Variants in TTC6 observed in about 807,000 individuals in gnomAD.
The protein encoded by TTC6 is tetratricopeptide repeat domain 6, also known as tetratricopeptide repeat protein 6.
In TTC6, 172 loss-of-function variants were observed where a neutral mutation model predicts 210.4. The ratio of observed to expected loss-of-function variants is 0.82; its 90% confidence interval spans 0.72 to 0.93. TTC6 has a LOEUF of 0.93. Ranked by LOEUF, TTC6 falls within the 40% of genes least tolerant of loss-of-function variation. The probability of loss-of-function intolerance (pLI) is 0.00; values close to 1 mark genes in which losing one functional copy is unlikely to be tolerated. For missense variants in TTC6, 2,414 were observed against 2,318.1 expected, an observed-to-expected ratio of 1.04 and a Z score of -0.85; for synonymous variants, 804 against 819.6, an observed-to-expected ratio of 0.98 and a Z score of 0.32.
intron 29 of TTC6, among the ~76,000 whole-genome samples, chr14:37,838,631 T>C (rs1416912497): frequency 2.0e-5 from 3 of 152,218 alleles, no homozygotes. Flanking sequence ...AGCTCTTACT[T>C]TGTTTTTGTA....
At chr14:37,807,177 TA>T in intron 22 of TTC6, 142 bp from the exon 25 acceptor site, 1 of 706,096 alleles carries the variant, frequency 1.4e-6, no homozygotes. Flanking sequence ...AATTTTTTTC[TA>T]ATAAAAGAAA....
In TTC6 at chr14:37,827,174, T is replaced by G. The variant is rs376867001; in HGVS notation, c.5128-22T>G. 7.4e-5 allele frequency: 117 copies of G among 1,582,538 alleles called. 1 individual carries two copies. The highest frequency in any genetic ancestry group is 2.6e-4 in the Admixed American group (15 of 57,084). On this transcript the variant is annotated intron_variant, in intron 28 of 30. Coordinates refer to ENST00000553443, the Ensembl canonical transcript of TTC6. ...GTAAATACTATTCCCCAATGTTAAA[T>G]AATCATAATATTATACTGCAGATCA...
intron 15 of TTC6, among the ~76,000 whole-genome samples, chr14:37,790,482 A>C (rs2096076908): frequency 6.6e-6 from 1 of 152,178 alleles, no homozygotes; most frequent in Non-Finnish European, 1.5e-5. Context: ...TCAGGATTTA[A>C]TTCAGCTCTA....
intron 25 of TTC6, among the ~76,000 whole-genome samples, chr14:37,814,202 A>G (rs1413970864): frequency 6.6e-6 from 1 of 152,182 alleles, no homozygotes; most frequent in African/African-American, 2.4e-5. Flanking sequence ...CTCATTGTCA[A>G]ACATTCTCTT....
rs114965728 is a variant in TTC6, at chr14:37,737,834, A to G, written c.1983+100A>G. 4,084 of 609,306 alleles carry G rather than the reference A, an allele frequency of 6.7e-3. 122 individuals carry two copies. In the African/African-American group the frequency reaches 0.068, roughly 10 times the overall value. 37.7% of individuals were successfully genotyped at this position (609,306 alleles called of 1,614,324 possible). ...TTTTAAAAGCATCTACTTCTATATT[A>G]TATTCTCTAGTCTAATTACATATTG... On this transcript the variant is annotated intron_variant, in intron 9 of 30. Transcript: ENST00000553443.
intron 1 of TTC6, among the ~76,000 whole-genome samples, chr14:37,678,556 C>T (rs1364690376): frequency 6.6e-6 from 1 of 152,182 alleles, no homozygotes; most frequent in Non-Finnish European, 1.5e-5. Context: ...TTGTCCTCCT[C>T]TCATCTGATT....
At chr14:37,607,388 G>A (rs2095627015) in intron 2 of TTC6, among the ~76,000 whole-genome samples, 1 of 152,166 alleles carries the variant, frequency 6.6e-6, no homozygotes, top group Admixed American at 6.5e-5. Flanking sequence ...CAACAACTCA[G>A]TCTTGACTAG....
chr14:37,685,609 A>C (rs2095792163), intron 3 of TTC6, among the ~76,000 whole-genome samples: 1 of 152,230 alleles, frequency 6.6e-6, no homozygotes, highest in Admixed American at 6.5e-5. Context: ...TGATAAACTT[A>C]TGCTTTGTGT....
At chr14:37,680,881 C>T (rs1239354916) in intron 2 of TTC6, among the ~76,000 whole-genome samples, 2 of 152,076 alleles carry the variant, frequency 1.3e-5, no homozygotes, top group Non-Finnish European at 2.9e-5. Flanking sequence ...CCTGTGGTTC[C>T]TGGAAATATG....
intron 1 of TTC6, among the ~76,000 whole-genome samples, chr14:37,659,509 GTTTTA>G (rs60653547): frequency 0.057 from 8,582 of 149,412 alleles, 375 homozygotes; most frequent in Non-Finnish European, 0.089. Flanking sequence ...TCTCGTTGTC[GTTTTA>G]TTTTATTTTA....
chr14:37,751,247 T>G, intron 13 of TTC6, 22 bp downstream of exon 15: 1 of 1,505,020 alleles, frequency 6.6e-7, no homozygotes, highest in Non-Finnish European at 8.8e-7. Flanking sequence ...CACATATAAT[T>G]CTACCATTTA....
chr14:37,816,018 C>T (rs1241715505), intron 25 of TTC6, among the ~76,000 whole-genome samples: 2 of 149,288 alleles, frequency 1.3e-5, no homozygotes, highest in Admixed American at 6.7e-5. Context: ...TGTAATAAAG[C>T]TCACTTACAC....
chr14:37,620,517 C>T (rs527646498), upstream of TTC6, among the ~76,000 whole-genome samples: 2 of 152,272 alleles, frequency 1.3e-5, no homozygotes, highest in Admixed American at 1.3e-4. Flanking sequence ...CCCCTCCCGC[C>T]TCACACAGGT....
chr14:37,626,555 A>G (rs993393134), intron 1 of TTC6, among the ~76,000 whole-genome samples: 20 of 152,210 alleles, frequency 1.3e-4, no homozygotes, highest in African/African-American at 4.8e-4. Flanking sequence ...TAAACCCTGA[A>G]CATTATATAT....
chr14:37,749,332 A>G (rs1178659162), exon 11 of TTC6: 4 of 1,508,688 alleles, frequency 2.7e-6, no homozygotes, highest in Non-Finnish European at 3.5e-6. Flanking sequence ...CTGCATTTGC[A>G]TATTGTAGGC....
chr14:37,729,723 C>A (rs1436427823), intron 7 of TTC6, among the ~76,000 whole-genome samples: 1 of 152,126 alleles, frequency 6.6e-6, no homozygotes, highest in Non-Finnish European at 1.5e-5. Flanking sequence ...CCTGCACCTT[C>A]TCATTTTATC....
chr14:37,806,257 G>T, intron 21 of TTC6, 104 bp from the exon 24 acceptor site: 1 of 1,179,834 alleles, frequency 8.5e-7, no homozygotes, highest in Non-Finnish European at 1.1e-6. Flanking sequence ...TCCAAAAATA[G>T]AGTGAAACTT....
intron 14 of TTC6, among the ~76,000 whole-genome samples, chr14:37,786,511 AG>A (rs2096068029): frequency 6.6e-6 from 1 of 152,168 alleles, no homozygotes; most frequent in South Asian, 2.1e-4. Flanking sequence ...TCAATTTTCC[AG>A]GTGCCATCTG....
At chr14:37,689,166 GT>G (rs1452048097) in intron 3 of TTC6, among the ~76,000 whole-genome samples, 1 of 151,922 alleles carries the variant, frequency 6.6e-6, no homozygotes, top group Non-Finnish European at 1.5e-5. Context: ...GAAAAATGCA[GT>G]TGGCATACTG....
Sources: allele counts gnomAD v4.1 joint callset (sites outside exome capture counted in the v4.1 genomes callset), GRCh38; gene constraint gnomAD v4.1.1; transcripts MANE v1.5; gene names NCBI Gene and HGNC (gene_info 2026-07-23, HGNC 2026-07-21).